The following CSMD1 variants were observed in gnomAD, a reference collection of about 807,000 sequenced individuals.
CSMD1 encodes the protein CUB and Sushi multiple domains 1, also known as CUB and sushi domain-containing protein 1.
CSMD1 carries 213 observed loss-of-function variants against 417.5 expected under a neutral mutation model. The ratio of observed to expected loss-of-function variants is 0.51; its 90% confidence interval spans 0.46 to 0.57. The LOEUF (loss-of-function observed/expected upper bound fraction) is 0.57. CSMD1 is among the 20% of genes least tolerant of loss of function. CSMD1 has a pLI of 0.00. For missense variants in CSMD1, 6,923 were observed against 4,529.7 expected (o/e 1.53, Z -15.17); for synonymous variants, 2,862 against 1,736.8 (o/e 1.65, Z -16.11).
At chr8:2,994,095 G>C (rs1806650399) in intron 54 of CSMD1, among the ~76,000 whole-genome samples, 1 of 127,946 alleles carries the variant, frequency 7.8e-6, no homozygotes, top group South Asian at 2.7e-4. Flanking sequence ...GCAGTGAGCT[G>C]AGATGGCGCC....
At chr8:4,434,347 C>T (rs1002997298) in intron 2 of CSMD1, among the ~76,000 whole-genome samples, 1 of 152,274 alleles carries the variant, frequency 6.6e-6, no homozygotes, top group Non-Finnish European at 1.5e-5. Context: ...GCCTGGGCAA[C>T]AGCATGAGAC....
At chr8:3,414,845 T>C (rs2116945243) in intron 12 of CSMD1, among the ~76,000 whole-genome samples, 1 of 152,336 alleles carries the variant, frequency 6.6e-6, no homozygotes, top group East Asian at 1.9e-4. Flanking sequence ...TATTTAACCA[T>C]GCACTGTTGA....
chr8:4,813,650 A>C (rs1023942818), intron 1 of CSMD1, among the ~76,000 whole-genome samples: 5 of 152,222 alleles, frequency 3.3e-5, no homozygotes, highest in African/African-American at 1.2e-4. Context: ...AATAACATCA[A>C]TTTACACGTT....
intron 5 of CSMD1, among the ~76,000 whole-genome samples, chr8:3,860,750 G>T (rs893120943): frequency 6.6e-6 from 1 of 152,052 alleles, no homozygotes. Context: ...TTTGAACCCA[G>T]GTAAGTTTGA....
chr8:3,259,821 T>G (rs141946154), intron 26 of CSMD1, among the ~76,000 whole-genome samples: 2,526 of 151,722 alleles, frequency 0.017, 60 homozygotes, highest in African/African-American at 0.056. Flanking sequence ...GCTTGAAAGC[T>G]AAGAATGGTT....
chr8:4,031,240 T>C (rs1797328850), intron 4 of CSMD1, among the ~76,000 whole-genome samples: 1 of 152,182 alleles, frequency 6.6e-6, no homozygotes, highest in Non-Finnish European at 1.5e-5. Flanking sequence ...ATTTTCACAC[T>C]GCTGATAAAG....
intron 7 of CSMD1, among the ~76,000 whole-genome samples, chr8:3,638,155 C>G (rs779382121): frequency 5.3e-5 from 8 of 152,206 alleles, no homozygotes; most frequent in Non-Finnish European, 1.0e-4. Flanking sequence ...CTGCCCCTCA[C>G]TGATGTTTCC....
At chr8:4,045,138 C>A (rs910197414) in intron 3 of CSMD1, among the ~76,000 whole-genome samples, 1 of 152,300 alleles carries the variant, frequency 6.6e-6, no homozygotes, top group African/African-American at 2.4e-5. Context: ...TGTGCCCTCC[C>A]ACCTGCAGCG....
intron 2 of CSMD1, among the ~76,000 whole-genome samples, chr8:4,622,509 C>A (rs777120898): frequency 6.6e-6 from 1 of 152,156 alleles, no homozygotes; most frequent in African/African-American, 2.4e-5. Context: ...AAGAATGTCT[C>A]TTCCTCCTGC....
chr8:4,618,126 T>A (rs978995060), intron 2 of CSMD1, among the ~76,000 whole-genome samples: 5 of 152,144 alleles, frequency 3.3e-5, no homozygotes, highest in Admixed American at 6.6e-5. Context: ...ATGAAAGGTT[T>A]CTGTCCTTCA....
At chr8:3,034,553 T>A (rs1810543640) in intron 50 of CSMD1, among the ~76,000 whole-genome samples, 1 of 152,116 alleles carries the variant, frequency 6.6e-6, no homozygotes, top group African/African-American at 2.4e-5. Flanking sequence ...CACATAAATA[T>A]ATGTACATAT....
At chr8:4,619,325 A>G (rs1397816141) in intron 2 of CSMD1, among the ~76,000 whole-genome samples, 1 of 152,190 alleles carries the variant, frequency 6.6e-6, no homozygotes. Context: ...AAATAAACAT[A>G]ATTTTAATTA....
Position 3,284,310 on chromosome 8 carries a change from G to T in CSMD1, c.3987C>A (p.His1329Gln). 6.2e-7 allele frequency: 1 copy of T among 1,613,894 alleles called. No individual in the cohort carries two copies. Among genetic ancestry groups the T allele is most frequent in the Non-Finnish European group, 8.5e-7 (1 of 1,179,856 alleles). ...HFIVFDTEMA[H>Q]DILKVWDGPV... The stretch of plus-strand genomic sequence containing the variant: ...GCCCGTCCCAGACCTTGAGGATGTC[G>T]TGAGCCATCTCCGTGTCGAAAACAA... Residue 1329 changes from histidine to glutamine, a missense_variant, in exon 26 of 70, where the codon CAC becomes CAA. His to Gln is a conservative substitution (Grantham distance 24). Transcript: ENST00000635120.
chr8:3,609,395 G>T (rs2469338), intron 8 of CSMD1, among the ~76,000 whole-genome samples: 120,833 of 152,132 alleles, frequency 0.79, 48,160 homozygotes, highest in Middle Eastern at 0.87. Flanking sequence ...GTGGTCTATG[G>T]TGAAAAATAC....
intron 5 of CSMD1, among the ~76,000 whole-genome samples, chr8:3,933,275 A>G (rs1810277300): frequency 6.6e-6 from 1 of 152,182 alleles, no homozygotes; most frequent in Non-Finnish European, 1.5e-5. Flanking sequence ...AATCTAAAAT[A>G]TTTTGCTTTA....
intron 2 of CSMD1, among the ~76,000 whole-genome samples, chr8:4,466,866 C>A (rs182166363): frequency 4.0e-5 from 6 of 151,848 alleles, no homozygotes; most frequent in Non-Finnish European, 5.9e-5. Flanking sequence ...ATGACTTCAG[C>A]GATGAGACTA....
chr8:3,979,004 C>G (rs1813651043), intron 5 of CSMD1, among the ~76,000 whole-genome samples: 2 of 152,192 alleles, frequency 1.3e-5, no homozygotes, highest in African/African-American at 4.8e-5. Flanking sequence ...ATTGGAAAAT[C>G]AGAAAAAGAA....
At chr8:4,411,675 C>G (rs545450779) in intron 3 of CSMD1, among the ~76,000 whole-genome samples, 41 of 152,290 alleles carry the variant, frequency 2.7e-4, no homozygotes, top group Admixed American at 4.6e-4. Context: ...TTCACATTTT[C>G]TCCTACACGT....
chr8:3,996,134 G>C (rs550086120), intron 5 of CSMD1, among the ~76,000 whole-genome samples: 1 of 152,284 alleles, frequency 6.6e-6, no homozygotes, highest in South Asian at 2.1e-4. Flanking sequence ...TTTGGCAAAA[G>C]CTGCCACTGA....
Sources: gnomAD v4.1 joint callset for allele counts (sites outside exome capture counted in the v4.1 genomes callset) on GRCh38, gnomAD v4.1.1 for gene constraint, MANE v1.5 for transcripts, NCBI Gene and HGNC (gene_info 2026-07-23, HGNC 2026-07-21) for gene names.